Variants in AMBRA1 observed in about 807,000 individuals in gnomAD.
The protein encoded by AMBRA1 is activating molecule in BECN1-regulated autophagy protein 1.
A neutral mutation model predicts 125.4 loss-of-function variants in AMBRA1; 47 were observed. The ratio of observed to expected loss-of-function variants is 0.37; its 90% CI spans 0.30 to 0.48. The LOEUF (loss-of-function observed/expected upper bound fraction) is 0.48. Ranked by LOEUF, AMBRA1 falls within the 20% of genes least tolerant of loss-of-function variation. AMBRA1 has a pLI of 0.99. For synonymous variants in AMBRA1, 626 were observed against 655.5 expected, an observed-to-expected ratio of 0.95 and a Z score of 0.69; for missense variants, 1,331 against 1,693.4, an observed-to-expected ratio of 0.79 and a Z score of 3.76.
At chr11:46,562,970 A>G (rs917980001) in intron 1 of AMBRA1, among the ~76,000 whole-genome samples, 6 of 151,912 alleles carry the variant, frequency 3.9e-5, no homozygotes, top group Admixed American at 1.3e-4. Flanking sequence ...CTAATTTTTT[A>G]TATTTTTAGT....
intron 11 of AMBRA1, among the ~76,000 whole-genome samples, chr11:46,490,090 C>A (rs1426451099): frequency 6.6e-6 from 1 of 152,184 alleles, no homozygotes; most frequent in Non-Finnish European, 1.5e-5. Flanking sequence ...CCACGGTAGG[C>A]ACTCAGCTTC....
At chr11:46,452,683 A>G (rs915029711) in intron 11 of AMBRA1, among the ~76,000 whole-genome samples, 2 of 152,164 alleles carry the variant, frequency 1.3e-5, no homozygotes, top group African/African-American at 2.4e-5. Flanking sequence ...CTGTCCTAAG[A>G]AAGGGGTATA....
At chr11:46,430,308 C>T (rs1947390710) in intron 14 of AMBRA1, among the ~76,000 whole-genome samples, 1 of 152,152 alleles carries the variant, frequency 6.6e-6, no homozygotes, top group Admixed American at 6.6e-5. Flanking sequence ...AATCAAAGCA[C>T]CATGCACAAA....
At chr11:46,536,717 A>G (rs1026194395) in intron 7 of AMBRA1, among the ~76,000 whole-genome samples, 2 of 152,202 alleles carry the variant, frequency 1.3e-5, no homozygotes, top group Admixed American at 6.5e-5. Context: ...GAGGGATCAA[A>G]TAAGTGTGGT....
At chr11:46,541,814 G>A in intron 7 of AMBRA1, 131 bp downstream of exon 7, 1 of 1,245,900 alleles carries the variant, frequency 8.0e-7, no homozygotes, top group Non-Finnish European at 1.1e-6. Flanking sequence ...CCAAGAAAAT[G>A]CAATGGCGAG....
At chr11:46,533,305 C>T (rs1248564734) in intron 7 of AMBRA1, among the ~76,000 whole-genome samples, 1 of 152,238 alleles carries the variant, frequency 6.6e-6, no homozygotes, top group Non-Finnish European at 1.5e-5. Flanking sequence ...TATCCACTTT[C>T]TACAATTGTA....
chr11:46,407,715 G>A (rs973954959), intron 17 of AMBRA1, among the ~76,000 whole-genome samples: 31 of 152,222 alleles, frequency 2.0e-4, no homozygotes, highest in Non-Finnish European at 1.5e-4. Context: ...TGATAGGCAC[G>A]TTTGTTATTC....
chr11:46,513,192 T>C (rs551687101), intron 7 of AMBRA1, among the ~76,000 whole-genome samples: 30 of 151,850 alleles, frequency 2.0e-4, no homozygotes, highest in Admixed American at 4.6e-4. Context: ...TTTATCTTGT[T>C]GTTTGGTTCC....
intron 1 of AMBRA1, among the ~76,000 whole-genome samples, chr11:46,568,779 A>AAAAAAAAG (rs796425705): frequency 3.4e-4 from 52 of 150,914 alleles, no homozygotes; most frequent in African/African-American, 1.3e-3. Flanking sequence ...TCTCAAAAAA[A>AAAAAAAAG]AAAAAAGGAA....
intron 1 of AMBRA1, among the ~76,000 whole-genome samples, chr11:46,552,137 G>C (rs2043020851): frequency 6.6e-6 from 1 of 151,284 alleles, no homozygotes; most frequent in African/African-American, 2.4e-5. Flanking sequence ...GGAAGGCCGA[G>C]GCAGGCAGAT....
chr11:46,497,178 TTTATG>T (rs1467061804), intron 9 of AMBRA1, among the ~76,000 whole-genome samples: 8 of 151,862 alleles, frequency 5.3e-5, no homozygotes, highest in African/African-American at 1.4e-4. Context: ...GATGATAAAT[TTTATG>T]TTATGTGTAT....
chr11:46,501,000 G>A (rs534949220), intron 9 of AMBRA1, among the ~76,000 whole-genome samples: 6 of 152,248 alleles, frequency 3.9e-5, no homozygotes, highest in African/African-American at 9.6e-5. Flanking sequence ...TGCAAGGCAC[G>A]CAAGACAAAG....
At chr11:46,468,814 CAA>C (rs11337927) in intron 11 of AMBRA1, among the ~76,000 whole-genome samples, 25 of 104,542 alleles carry the variant, frequency 2.4e-4, no homozygotes, top group Non-Finnish European at 2.0e-4. Flanking sequence ...GGCTCCGTCT[CAA>C]AAAAAAAAAA....
intron 7 of AMBRA1, chr11:46,518,075 C>A: frequency 1.0e-6 from 1 of 972,318 alleles, no homozygotes; most frequent in Non-Finnish European, 1.2e-6. Flanking sequence ...CAAAAACATA[C>A]AACACACAAA....
In AMBRA1 at chr11:46,488,461, C is replaced by A. The variant is rs1350654669; in HGVS notation, c.2521+5147G>T. Among the ~76,000 whole-genome samples, 471 of 139,948 alleles carry A rather than the reference C, an allele frequency of 3.4e-3. 3 individuals carry two copies. The highest frequency in any genetic ancestry group is 0.011 in the African/African-American group (424 of 39,496). The allele number at this position is 139,948 out of a possible 152,430, so 91.8% of individuals were successfully genotyped here. A position where few individuals can be genotyped will look rare whatever the true frequency, so the allele number is the denominator to read the frequency against. On this transcript the variant is annotated intron_variant, in intron 11 of 17. Transcript: ENST00000683756. ...TCTGTCTCAAAAAAACAAAACAAAACAAAAAAAAAAACTGACAAAATTGAA... is the reference window on the plus strand; with the variant it reads ...TCTGTCTCAAAAAAACAAAACAAAAAAAAAAAAAAAACTGACAAAATTGAA...
At chr11:46,485,383 T>G (rs143168231) in intron 11 of AMBRA1, among the ~76,000 whole-genome samples, 279 of 152,358 alleles carry the variant, frequency 1.8e-3, no homozygotes, top group African/African-American at 6.4e-3. Flanking sequence ...TTGCAGAGCT[T>G]CTTCAAACTG....
chr11:46,571,499 AC>A (rs1210666098), intron 1 of AMBRA1, among the ~76,000 whole-genome samples: 1 of 151,798 alleles, frequency 6.6e-6, no homozygotes, highest in African/African-American at 2.4e-5. Context: ...ATCTGGCAAA[AC>A]CCCATCTCTA....
At chr11:46,586,444 T>C (rs1425981455) in intron 1 of AMBRA1, among the ~76,000 whole-genome samples, 1 of 152,146 alleles carries the variant, frequency 6.6e-6, no homozygotes, top group Non-Finnish European at 1.5e-5. Context: ...ATCCATCTTT[T>C]TACTTTTTTT....
At chr11:46,517,925 T>C (rs1951575702) in intron 7 of AMBRA1, among the ~76,000 whole-genome samples, 1 of 150,986 alleles carries the variant, frequency 6.6e-6, no homozygotes, top group Admixed American at 6.6e-5. Context: ...CATATTCGTA[T>C]ATATATAGAG....
Sources: gnomAD v4.1 joint callset for allele counts (sites outside exome capture counted in the v4.1 genomes callset) on GRCh38, gnomAD v4.1.1 for gene constraint, MANE v1.5 for transcripts, NCBI Gene and HGNC (gene_info 2026-07-23, HGNC 2026-07-21) for gene names.